The following SPAST variants were observed in gnomAD, a reference collection of about 807,000 sequenced individuals.
SPAST encodes spastic paraplegia 4 (autosomal dominant; spastin).
SPAST carries 30 observed loss-of-function variants against 76.6 expected under a neutral mutation model. That is an observed-to-expected ratio of 0.39 (90% CI 0.29 to 0.53). The LOEUF (loss-of-function observed/expected upper bound fraction) is 0.53, where lower values mean the gene tolerates loss of function less well. Ranked by LOEUF, SPAST falls within the 20% of genes least tolerant of loss-of-function variation. The pLI is 0.68. For missense variants in SPAST, 717 were observed against 770.5 expected (o/e 0.93, Z 0.82); for synonymous variants, 305 against 281.0 (o/e 1.09, Z -0.86).
chr2:32,137,235 T>G (rs1679570872), intron 12 of SPAST, 47 bp downstream of exon 12: 1 of 1,318,328 alleles, frequency 7.6e-7, no homozygotes, highest in Non-Finnish European at 1.1e-6. Context: ...CAGACAATAT[T>G]TACTCATGTG....
rs541628440 is a variant in SPAST at position 32,100,681 on chromosome 2, G to T, written c.682+1790G>T. On this transcript the variant is annotated intron_variant, in intron 4 of 16. Transcript: ENST00000315285. ...TGTGTCCAAGTGTTCTCATTGTTCA[G>T]TTCCCATCTGTGAGTGAGAACATAC... Among the ~76,000 whole-genome samples, 996 of 152,000 alleles carry T rather than the reference G, an allele frequency of 6.6e-3. 14 individuals are homozygous for T. The highest frequency in any genetic ancestry group is 0.023 in the African/African-American group (961 of 41,446).
intron 1 of SPAST, among the ~76,000 whole-genome samples, chr2:32,079,319 C>A (rs1329351376): frequency 6.6e-6 from 1 of 151,670 alleles, no homozygotes; most frequent in Non-Finnish European, 1.5e-5. Context: ...AGTTCAAGAC[C>A]AGCCTGGGCA....
chr2:32,133,382 C>A (rs565687692), intron 9 of SPAST, among the ~76,000 whole-genome samples: 1 of 152,276 alleles, frequency 6.6e-6, no homozygotes, highest in African/African-American at 2.4e-5. Context: ...CCCTAAAATC[C>A]CTCCAGGCAC....
In SPAST at chr2:32,114,837, C is replaced by G; in HGVS notation, c.870+12C>G. The G allele has an allele frequency of 6.2e-7, 1 of 1,609,346 alleles. No homozygotes were observed. The highest frequency in any genetic ancestry group is 8.5e-7 in the Non-Finnish European group (1 of 1,175,818). On this transcript the variant is annotated intron_variant, in intron 5 of 16. Transcript: ENST00000315285. Reference sequence around the variant, plus strand: ...CTACCACTCATAAGGTATTCTGGGACAGTAACTTTAATTGCTGTCTTTTTG... The same window carrying G: ...CTACCACTCATAAGGTATTCTGGGAGAGTAACTTTAATTGCTGTCTTTTTG...
Position 32,131,671 on chromosome 2 carries a change from C to CTTT in SPAST, c.1245+3211_1245+3213dup, listed in dbSNP as rs541036416. ...TTAAAAATATTACAGCAACCATTCT[C>CTTT]TTTTTTTTTTTTTTTTTTTTTGAGA... is the stretch of plus-strand genomic sequence containing the variant. On this transcript the variant is annotated intron_variant, in intron 9 of 16. Coordinates refer to ENST00000315285, the MANE Select transcript of SPAST (RefSeq NM_014946.4). Among the ~76,000 whole-genome samples the CTTT allele has an allele frequency of 3.8e-3, 411 of 107,938 alleles. 5 individuals are homozygous for CTTT. Among genetic ancestry groups the CTTT allele is most frequent in the Middle Eastern group, 5.2e-3 (1 of 194 alleles). 70.8% of individuals were successfully genotyped at this position (107,938 alleles called of 152,430 possible).
intron 4 of SPAST, among the ~76,000 whole-genome samples, chr2:32,100,923 A>G (rs1252791922): frequency 6.6e-6 from 1 of 152,186 alleles, no homozygotes; most frequent in Non-Finnish European, 1.5e-5. Context: ...GTAAACATAC[A>G]TGTGCATGTG....
intron 1 of SPAST, among the ~76,000 whole-genome samples, chr2:32,083,776 A>ATATATT (rs1553398791): frequency 2.0e-4 from 9 of 46,072 alleles, no homozygotes; most frequent in Admixed American, 7.2e-4. Context: ...ATATATATAT[A>ATATATT]TTTTTTTTTT....
At position 32,077,361 on chromosome 2, in the gene SPAST, C is replaced by A. The variant is rs565664268; in HGVS notation, c.416-10131C>A. On this transcript the variant is annotated intron_variant, in intron 1 of 16. Coordinates refer to ENST00000315285, the MANE Select transcript of SPAST (RefSeq NM_014946.4). ...TAGATGAGCAAATGTCAGGAACATACAACTGTGCACACAGTTCAGGAGAAG... is the reference window on the plus strand; with the variant it reads ...TAGATGAGCAAATGTCAGGAACATAAAACTGTGCACACAGTTCAGGAGAAG... Among the ~76,000 whole-genome samples the A allele has an allele frequency of 1.2e-4, 19 of 152,250 alleles. No homozygotes were observed. The East Asian group carries it at 3.3e-3, about 26-fold the overall frequency.
intron 1 of SPAST, among the ~76,000 whole-genome samples, chr2:32,077,111 T>C (rs1362363354): frequency 6.6e-6 from 1 of 152,014 alleles, no homozygotes; most frequent in Non-Finnish European, 1.5e-5. Flanking sequence ...CTTGACCTCA[T>C]GATCCACACA....
chr2:32,073,154 T>A (rs1472986113), intron 1 of SPAST, among the ~76,000 whole-genome samples: 1 of 152,208 alleles, frequency 6.6e-6, no homozygotes, highest in East Asian at 1.9e-4. Context: ...TTACTGTTAG[T>A]TGTCCTGATG....
intron 16 of SPAST, among the ~76,000 whole-genome samples, chr2:32,149,035 T>C (rs990849358): frequency 2.0e-5 from 3 of 152,064 alleles, no homozygotes; most frequent in Non-Finnish European, 4.4e-5. Context: ...CCTATAACTA[T>C]ACGTTAATCC....
Position 32,063,661 on chromosome 2 carries a change from G to A in SPAST, c.-171G>A, listed in dbSNP as rs1357819749. Reference sequence around the variant, plus strand: ...AGAAGGGGTTGTGCTCCTGGCCGAGGAAGGAGAAAGGGGCGGGGCCGGCGG... The same window carrying A: ...AGAAGGGGTTGTGCTCCTGGCCGAGAAAGGAGAAAGGGGCGGGGCCGGCGG... On this transcript the variant is annotated 5_prime_UTR_variant, in exon 1 of 17. Coordinates refer to ENST00000315285, the MANE Select transcript of SPAST (RefSeq NM_014946.4). 10 of 818,472 alleles carry A rather than the reference G, an allele frequency of 1.2e-5. No individual in the cohort carries two copies. Among genetic ancestry groups the A allele is most frequent in the Non-Finnish European group, 1.7e-5 (9 of 541,026 alleles). The allele number at this position is 818,472 out of a possible 1,614,324, so 50.7% of individuals were successfully genotyped here. A position where few individuals can be genotyped will look rare whatever the true frequency, so the allele number is the denominator to read the frequency against.
chr2:32,083,770 A>ATTTTTTTT (rs1422616491), intron 1 of SPAST, among the ~76,000 whole-genome samples: 1 of 48,018 alleles, frequency 2.1e-5, no homozygotes, highest in Non-Finnish European at 4.3e-5. Context: ...ATATATATAT[A>ATTTTTTTT]TATATATTTT....
intron 3 of SPAST, among the ~76,000 whole-genome samples, chr2:32,097,332 T>C (rs764513131): frequency 1.3e-5 from 2 of 152,160 alleles, no homozygotes; most frequent in Non-Finnish European, 2.9e-5. Flanking sequence ...AAATAGGTAA[T>C]GTAGACGTAT....
intron 12 of SPAST, among the ~76,000 whole-genome samples, chr2:32,140,590 C>T (rs571860465): frequency 9.2e-5 from 14 of 151,414 alleles, no homozygotes; most frequent in South Asian, 2.1e-4. Context: ...GTACTCTAGC[C>T]TGGGGGACAG....
At chr2:32,116,747 G>T (rs183104946) in intron 7 of SPAST, among the ~76,000 whole-genome samples, 2 of 152,334 alleles carry the variant, frequency 1.3e-5, no homozygotes, top group Non-Finnish European at 2.9e-5. Flanking sequence ...GATTACAAGT[G>T]TGAGTCACTA....
intron 1 of SPAST, among the ~76,000 whole-genome samples, chr2:32,083,748 TA>T (rs1677342876): frequency 1.7e-5 from 1 of 57,830 alleles, no homozygotes; most frequent in African/African-American, 6.6e-5. Context: ...TATTTATATA[TA>T]CTATATATAT....
chr2:32,136,816 A>C lies in SPAST; in HGVS notation c.1322-61A>C. 2 of 1,369,610 alleles carry C rather than the reference A, an allele frequency of 1.5e-6. 1 individual carries two copies. Among genetic ancestry groups the C allele is most frequent in the South Asian group, 2.3e-5 (2 of 85,108 alleles). The allele number at this position is 1,369,610 out of a possible 1,614,324, so 84.8% of individuals were successfully genotyped here. On this transcript the variant is annotated intron_variant, in intron 10 of 16. Transcript: ENST00000315285. ...TATTAATAAGTAGTAAACTAGATTA[A>C]TCTCAGATGACTCACATAGCTTGGT... is the stretch of plus-strand genomic sequence containing the variant.
In SPAST at chr2:32,154,676, A is replaced by G. The variant is rs1680197371; in HGVS notation, c.*180A>G. 1 of 648,452 alleles carries G rather than the reference A, an allele frequency of 1.5e-6. No homozygotes were observed. Among genetic ancestry groups the G allele is most frequent in the African/African-American group, 1.8e-5 (1 of 54,684 alleles). The allele number at this position is 648,452 out of a possible 1,614,324, so 40.2% of individuals were successfully genotyped here. On this transcript the variant is annotated 3_prime_UTR_variant, in exon 17 of 17. Coordinates refer to ENST00000315285, the MANE Select transcript of SPAST (RefSeq NM_014946.4). Reference sequence around the variant, plus strand: ...AGACTTAAACAAAATATACAATGCAAATGTAATTTTTTGTTGTTTAAGGCC... The same window carrying G: ...AGACTTAAACAAAATATACAATGCAGATGTAATTTTTTGTTGTTTAAGGCC...
Sources: gnomAD v4.1 joint callset for allele counts (sites outside exome capture counted in the v4.1 genomes callset) on GRCh38, gnomAD v4.1.1 for gene constraint, MANE v1.5 for transcripts, NCBI Gene and HGNC (gene_info 2026-07-23, HGNC 2026-07-21) for gene names.